The following CACUL1 variants were observed in gnomAD, a reference collection of about 807,000 sequenced individuals.
The protein encoded by CACUL1 is CDK2-associated and cullin domain-containing protein 1.
In CACUL1, 13 loss-of-function variants were observed where a neutral mutation model predicts 45.2. That is an observed-to-expected ratio of 0.29 (90% CI 0.19 to 0.46). The LOEUF (loss-of-function observed/expected upper bound fraction) is 0.46. Ranked by LOEUF, CACUL1 falls within the 20% of genes least tolerant of loss-of-function variation. The probability of loss-of-function intolerance (pLI) is 1.00; values close to 1 mark genes in which losing one functional copy is unlikely to be tolerated. For synonymous variants in CACUL1, 197 were observed against 174.2 expected, an observed-to-expected ratio of 1.13 and a Z score of -1.03; for missense variants, 421 against 471.4, an observed-to-expected ratio of 0.89 and a Z score of 0.99.
At chr10:118,686,911 G>A in intron 7 of CACUL1, 1 of 438,954 alleles carries the variant, frequency 2.3e-6, no homozygotes, top group Non-Finnish European at 4.0e-6. Context: ...TAGAGGTTCT[G>A]ACTAGGCCCT....
intron 1 of CACUL1, among the ~76,000 whole-genome samples, chr10:118,738,002 A>G (rs1845755291): frequency 6.6e-6 from 1 of 152,242 alleles, no homozygotes; most frequent in Non-Finnish European, 1.5e-5. Context: ...CTGCAGGTCT[A>G]TGACAGTTTT....
At chr10:118,727,274 T>C (rs540833659) in intron 3 of CACUL1, among the ~76,000 whole-genome samples, 3 of 151,874 alleles carry the variant, frequency 2.0e-5, no homozygotes, top group African/African-American at 7.2e-5. Context: ...GCACCTGTAG[T>C]GCCAGCAACT....
At chr10:118,722,376 A>AC (rs963553311) in intron 3 of CACUL1, among the ~76,000 whole-genome samples, 1 of 152,144 alleles carries the variant, frequency 6.6e-6, no homozygotes, top group African/African-American at 2.4e-5. Flanking sequence ...GGTGTGAGCC[A>AC]CCGCACCCAG....
intron 1 of CACUL1, among the ~76,000 whole-genome samples, chr10:118,736,613 GATTAC>G (rs1379660635): frequency 6.6e-6 from 1 of 152,100 alleles, no homozygotes; most frequent in Non-Finnish European, 1.5e-5. Flanking sequence ...GAAGTGCTGG[GATTAC>G]ACACGTGAGC....
At position 118,681,121 on chromosome 10, in the gene CACUL1, T is replaced by C. The variant is rs745798735; in HGVS notation, c.*5007A>G. On this transcript the variant is annotated 3_prime_UTR_variant, in exon 9 of 9. Transcript: ENST00000369151. ...TCAGTGGCTTTGTATCCCAGGTCAA[T>C]AGGAGTTTCATCCGCCATTTTGTTT... The C allele has an allele frequency of 6.6e-6, 1 of 152,342 alleles. No homozygotes were observed. The highest frequency in any genetic ancestry group is 1.9e-4 in the East Asian group (1 of 5,188). 9.4% of individuals were successfully genotyped at this position (152,342 alleles called of 1,614,324 possible).
At chr10:118,689,178 A>T (rs1374122025) in intron 7 of CACUL1, among the ~76,000 whole-genome samples, 4 of 152,242 alleles carry the variant, frequency 2.6e-5, no homozygotes, top group Admixed American at 2.6e-4. Flanking sequence ...ATTCCTAATT[A>T]AGGCATTAAG....
intron 6 of CACUL1, among the ~76,000 whole-genome samples, chr10:118,694,689 G>A (rs1021410976): frequency 6.6e-6 from 1 of 152,076 alleles, no homozygotes; most frequent in Non-Finnish European, 1.5e-5. Flanking sequence ...TATTTGCTTT[G>A]GTTCTTGTGA....
In CACUL1 at chr10:118,681,754, C is replaced by CAT. The variant is rs1845155465; in HGVS notation, c.*4372_*4373dup. The CAT allele has an allele frequency of 6.6e-6, 1 of 152,272 alleles. No individual in the cohort carries two copies. Among genetic ancestry groups the CAT allele is most frequent in the Admixed American group, 6.5e-5 (1 of 15,282 alleles). 9.4% of individuals were successfully genotyped at this position (152,272 alleles called of 1,614,324 possible). Reference sequence around the variant, plus strand: ...CAGAAGCAGAAACAGTACACATATTCATGCCACTCGGCTCTGAAAAGAGGT... The same window carrying CAT: ...CAGAAGCAGAAACAGTACACATATTCATATGCCACTCGGCTCTGAAAAGAGGT... On this transcript the variant is annotated 3_prime_UTR_variant, in exon 9 of 9. Transcript: ENST00000369151.
Position 118,754,499 on chromosome 10 carries a change from G to A in CACUL1, c.264C>T (p.Ile88=), listed in dbSNP as rs555748318. Residue 88 remains isoleucine (I), a synonymous_variant, in exon 1 of 9, where the codon ATC becomes ATT. Transcript: ENST00000369151. ...CCGCGTCGCAGCTCTTCAACATCAT[G>A]ATCACCCCATTAGCCTCCGGCGGTG... ...PQPPPEANGV[I]MMLKSCDAAA... 1 of 1,613,334 alleles carries A rather than the reference G, an allele frequency of 6.2e-7. No homozygotes were observed. The highest frequency in any genetic ancestry group is 8.5e-7 in the Non-Finnish European group (1 of 1,179,648).
At chr10:118,743,255 G>A (rs1845808414) in intron 1 of CACUL1, among the ~76,000 whole-genome samples, 1 of 151,960 alleles carries the variant, frequency 6.6e-6, no homozygotes, top group African/African-American at 2.4e-5. Context: ...AATAACAAGT[G>A]TTATAACATA....
intron 3 of CACUL1, among the ~76,000 whole-genome samples, chr10:118,722,562 G>A (rs1367486341): frequency 1.3e-5 from 2 of 152,126 alleles, no homozygotes; most frequent in African/African-American, 4.8e-5. Flanking sequence ...TCGGTTATCA[G>A]TTCAACTGTC....
intron 1 of CACUL1, 80 bp downstream of exon 1, chr10:118,754,316 A>G: frequency 7.0e-7 from 1 of 1,426,016 alleles, no homozygotes; most frequent in Non-Finnish European, 9.2e-7. Context: ...AAGGAAGCGG[A>G]GCTTTCTCCA....
At chr10:118,698,709 C>T (rs1344416430) in intron 5 of CACUL1, among the ~76,000 whole-genome samples, 2 of 152,178 alleles carry the variant, frequency 1.3e-5, no homozygotes, top group African/African-American at 4.8e-5. Context: ...TCAGACAATG[C>T]TGAGCAGAAC....
chr10:118,682,581 G>A lies in CACUL1; in HGVS notation c.*3547C>T, dbSNP rs1434439906. On this transcript the variant is annotated 3_prime_UTR_variant, in exon 9 of 9. Coordinates refer to ENST00000369151, the MANE Select transcript of CACUL1 (RefSeq NM_153810.5). ...ATCACCATTACCTTTGCTAGTATGCGTACAGACCACCACTCGGAAGTTATC... is the reference window on the plus strand; with the variant it reads ...ATCACCATTACCTTTGCTAGTATGCATACAGACCACCACTCGGAAGTTATC... 5 of 152,602 alleles carry A rather than the reference G, an allele frequency of 3.3e-5. No homozygotes were observed. The highest frequency in any genetic ancestry group is 1.9e-4 in the East Asian group (1 of 5,198). The allele number at this position is 152,602 out of a possible 1,614,324, so 9.5% of individuals were successfully genotyped here.
At chr10:118,751,475 C>T (rs1845897738) in intron 1 of CACUL1, among the ~76,000 whole-genome samples, 1 of 152,150 alleles carries the variant, frequency 6.6e-6, no homozygotes, top group Non-Finnish European at 1.5e-5. Flanking sequence ...ACTCCTTTCT[C>T]CAGTGGTTTA....
chr10:118,687,838 C>T (rs2119542445), intron 7 of CACUL1, among the ~76,000 whole-genome samples: 1 of 151,684 alleles, frequency 6.6e-6, no homozygotes, highest in Middle Eastern at 3.4e-3. Context: ...TTTTTTTTTA[C>T]ATGTTTGTTG....
chr10:118,751,184 T>G (rs1845895277), intron 1 of CACUL1, among the ~76,000 whole-genome samples: 1 of 152,202 alleles, frequency 6.6e-6, no homozygotes, highest in Non-Finnish European at 1.5e-5. Flanking sequence ...CATCATCCCT[T>G]GTTAATTTTA....
At chr10:118,738,892 TAAA>T (rs150393133) in intron 1 of CACUL1, among the ~76,000 whole-genome samples, 6 of 62,254 alleles carry the variant, frequency 9.6e-5, no homozygotes, top group East Asian at 5.1e-4. Flanking sequence ...CAAGTGCTCT[TAAA>T]AAAAAAAAAA....
intron 6 of CACUL1, among the ~76,000 whole-genome samples, chr10:118,694,470 A>G (rs1376902214): frequency 6.6e-6 from 1 of 152,262 alleles, no homozygotes; most frequent in African/African-American, 2.4e-5. Flanking sequence ...ATTGTAGAAC[A>G]ACGTTCTATC....
Sources: allele counts gnomAD v4.1 joint callset (sites outside exome capture counted in the v4.1 genomes callset), GRCh38; gene constraint gnomAD v4.1.1; transcripts MANE v1.5; gene names NCBI Gene and HGNC (gene_info 2026-07-23, HGNC 2026-07-21).